Variants in PPME1 observed in about 807,000 individuals in gnomAD.
The protein encoded by PPME1 is protein phosphatase methylesterase 1.
In PPME1, 17 loss-of-function variants were observed where a neutral mutation model predicts 56.9. That is an observed-to-expected ratio of 0.30 (90% CI 0.20 to 0.45). PPME1 has a LOEUF of 0.45. Among genes scored for constraint, PPME1 ranks in the 20% least tolerant of loss-of-function variants. PPME1 has a pLI of 1.00. For missense variants in PPME1, 357 were observed against 483.2 expected (o/e 0.74, Z 2.45); for synonymous variants, 122 against 156.2 (o/e 0.78, Z 1.63).
intron 1 of PPME1, among the ~76,000 whole-genome samples, chr11:74,192,504 A>G (rs1230462640): frequency 6.6e-6 from 1 of 152,080 alleles, no homozygotes; most frequent in Non-Finnish European, 1.5e-5. Context: ...GGTATTTTGC[A>G]ATGTGAGAAG....
Position 74,227,240 on chromosome 11 carries a change from AC to A in PPME1, c.398+1985del, listed in dbSNP as rs563194867. Among the ~76,000 whole-genome samples the A allele has an allele frequency of 5.3e-5, 8 of 152,316 alleles. No homozygotes were observed. In the East Asian group the frequency reaches 1.5e-3, roughly 29 times the overall value. On this transcript the variant is annotated intron_variant, in intron 5 of 13. Coordinates refer to ENST00000328257, the MANE Select transcript of PPME1 (RefSeq NM_016147.3). ...ATTAACATAGCTTAATATCATGCCT[AC>A]TGGCAAGGGTAAAATATTTACAGGC...
intron 1 of PPME1, among the ~76,000 whole-genome samples, chr11:74,198,233 C>T: frequency 6.6e-6 from 1 of 152,106 alleles, no homozygotes; most frequent in East Asian, 1.9e-4. Flanking sequence ...TGTTCATTGC[C>T]TTTGAAAGGT....
intron 1 of PPME1, among the ~76,000 whole-genome samples, chr11:74,200,906 G>A (rs959249548): frequency 2.0e-5 from 3 of 151,956 alleles, no homozygotes; most frequent in African/African-American, 7.3e-5. Context: ...GGCTGGATTA[G>A]AACTCCTGGG....
At chr11:74,216,176 A>G (rs953508326) in intron 3 of PPME1, among the ~76,000 whole-genome samples, 5 of 152,214 alleles carry the variant, frequency 3.3e-5, no homozygotes, top group African/African-American at 1.2e-4. Context: ...ACTTCATCCA[A>G]CAGCTGCAGA....
intron 1 of PPME1, among the ~76,000 whole-genome samples, chr11:74,201,759 A>T (rs1858174688): frequency 6.6e-6 from 1 of 152,242 alleles, no homozygotes; most frequent in South Asian, 2.1e-4. Context: ...ATGTACTATT[A>T]CTATGATGAT....
intron 1 of PPME1, among the ~76,000 whole-genome samples, chr11:74,177,008 G>A (rs1857416436): frequency 1.3e-5 from 2 of 152,214 alleles, no homozygotes; most frequent in South Asian, 4.1e-4. Flanking sequence ...TGGGATTACA[G>A]GCATGAGCCA....
chr11:74,202,769 A>G (rs1225492218), intron 1 of PPME1, among the ~76,000 whole-genome samples: 1 of 152,196 alleles, frequency 6.6e-6, no homozygotes, highest in Non-Finnish European at 1.5e-5. Flanking sequence ...CATGATCAAA[A>G]ATCAAAAGAT....
At chr11:74,251,757 C>T (rs373092083) in intron 13 of PPME1, 42 bp downstream of exon 13, 165 of 1,606,136 alleles carry the variant, frequency 1.0e-4, no homozygotes, top group Non-Finnish European at 1.2e-4. Context: ...CAGTGCTGGC[C>T]GAATCTGACA....
intron 4 of PPME1, among the ~76,000 whole-genome samples, chr11:74,223,934 G>C (rs995011547): frequency 1.3e-5 from 2 of 150,562 alleles, no homozygotes; most frequent in East Asian, 1.9e-4. Context: ...CTGTGCAGAA[G>C]CTCTTTAGTT....
At chr11:74,174,749 A>G (rs1282524713) in intron 1 of PPME1, among the ~76,000 whole-genome samples, 1 of 152,242 alleles carries the variant, frequency 6.6e-6, no homozygotes, top group East Asian at 1.9e-4. Flanking sequence ...TGTGTGCCAG[A>G]CATTGTAATG....
Position 74,230,386 on chromosome 11 carries a change from T to A in PPME1, c.540T>A (p.Ile180=). ...LVPSLLGLCM[I]DVVEGTAMDA... is the part of the protein sequence containing the mutation. ...CAAGCCTCTTGGGTCTGTGCATGATTGATGTTGTAGAAGGTGAGTTTTCTT... is the reference window on the plus strand; with the variant it reads ...CAAGCCTCTTGGGTCTGTGCATGATAGATGTTGTAGAAGGTGAGTTTTCTT... Residue 180 remains isoleucine (I), a synonymous_variant, in exon 6 of 14, where the codon ATT becomes ATA. Transcript: ENST00000328257. This position sits in a 1 kb window ranked among gnomAD's most constrained non-coding sequence, Gnocchi z 4.9. The A allele has an allele frequency of 6.2e-7, 1 of 1,613,720 alleles. No individual in the cohort carries two copies.
At chr11:74,207,426 A>G (rs1858355817) in intron 3 of PPME1, among the ~76,000 whole-genome samples, 1 of 152,222 alleles carries the variant, frequency 6.6e-6, no homozygotes, top group African/African-American at 2.4e-5. Context: ...ACAAACAAAC[A>G]AACAACCATA....
chr11:74,219,288 A>G (rs1858735468), intron 3 of PPME1, among the ~76,000 whole-genome samples: 1 of 151,940 alleles, frequency 6.6e-6, no homozygotes. Flanking sequence ...TGTTGGTGAG[A>G]ATGTAAATTA....
chr11:74,244,769 C>T (rs1478883324), intron 9 of PPME1, among the ~76,000 whole-genome samples: 1 of 152,126 alleles, frequency 6.6e-6, no homozygotes, highest in Non-Finnish European at 1.5e-5. Context: ...GGTGTCATAT[C>T]CAAGAAATCA....
chr11:74,178,911 A>C (rs1448811528), intron 1 of PPME1, among the ~76,000 whole-genome samples: 1 of 151,356 alleles, frequency 6.6e-6, no homozygotes, highest in African/African-American at 2.4e-5. Context: ...ACTACAAAAT[A>C]GTTTTTTTTT....
intron 3 of PPME1, among the ~76,000 whole-genome samples, chr11:74,218,391 AT>A (rs1322645404): frequency 4.6e-5 from 7 of 152,190 alleles, no homozygotes; most frequent in African/African-American, 1.7e-4. Context: ...CTTCAAAAAA[AT>A]GGAACAATTG....
chr11:74,198,610 C>T (rs1440060705), intron 1 of PPME1: 2 of 124,970 alleles, frequency 1.6e-5, no homozygotes, highest in Non-Finnish European at 3.0e-5. Flanking sequence ...CACAGGTGCA[C>T]TACCTAATTT....
rs192444909 is a variant in PPME1, at chr11:74,209,171, A to G, written c.288+4726A>G. Among the ~76,000 whole-genome samples the G allele has an allele frequency of 4.3e-3, 650 of 152,224 alleles. 6 individuals carry two copies. The highest frequency in any genetic ancestry group is 4.4e-3 in the Non-Finnish European group (296 of 68,016). The stretch of plus-strand genomic sequence containing the variant: ...ACCCAGGCTGGAGTACAGTGATGCA[A>G]TCCTGGCTCACTGCAACCTTGACCT... On this transcript the variant is annotated intron_variant, in intron 3 of 13. Coordinates refer to ENST00000328257, the MANE Select transcript of PPME1 (RefSeq NM_016147.3).
At position 74,230,721 on chromosome 11, in the gene PPME1, C is replaced by CT; in HGVS notation, c.554-189dup. The CT allele has an allele frequency of 1.6e-6, 1 of 612,450 alleles. No homozygotes were observed. The highest frequency in any genetic ancestry group is 3.1e-5 in the Admixed American group (1 of 32,474). 37.9% of individuals were successfully genotyped at this position (612,450 alleles called of 1,614,324 possible). On this transcript the variant is annotated intron_variant, in intron 6 of 13. Transcript: ENST00000328257. This position sits in a 1 kb window ranked among gnomAD's most constrained non-coding sequence, Gnocchi z 4.9. ...GCTGCTTGTGAATACAAGTCATCCTCTTCAGTGTGAGGGCATGACATAAAG... is the reference window on the plus strand; with the variant it reads ...GCTGCTTGTGAATACAAGTCATCCTCTTTCAGTGTGAGGGCATGACATAAAG...
Sources: gnomAD v4.1 joint callset for allele counts (sites outside exome capture counted in the v4.1 genomes callset) on GRCh38, gnomAD v4.1.1 for gene constraint, Gnocchi (gnomAD v3.1) non-coding constraint, MANE v1.5 for transcripts, NCBI Gene and HGNC (gene_info 2026-07-23, HGNC 2026-07-21) for gene names.